ZNF804B: variants seen among roughly 807,000 people sequenced by gnomAD.
The protein encoded by ZNF804B is zinc finger protein 804B, also known as zinc finger 804B.
In ZNF804B, 80 loss-of-function variants were observed where a neutral mutation model predicts 101.4. That is an observed-to-expected ratio of 0.79 (90% CI 0.66 to 0.95). ZNF804B has a LOEUF of 0.95. Ranked by LOEUF, ZNF804B falls within the 40% of genes least tolerant of loss-of-function variation. ZNF804B has a pLI of 0.00. For synonymous variants in ZNF804B, 622 were observed against 558.8 expected (o/e 1.11, Z -1.59); for missense variants, 1,673 against 1,561.9 (o/e 1.07, Z -1.20).
chr7:89,205,837 G>A (rs1788706624), intron 1 of ZNF804B, among the ~76,000 whole-genome samples: 2 of 152,166 alleles, frequency 1.3e-5, no homozygotes, highest in African/African-American at 4.8e-5. Context: ...GTTTCCCAGT[G>A]GGGATTCTAT....
intron 1 of ZNF804B, among the ~76,000 whole-genome samples, chr7:89,196,151 A>G (rs1411096676): frequency 6.6e-6 from 1 of 152,164 alleles, no homozygotes; most frequent in African/African-American, 2.4e-5. Flanking sequence ...CTGACTTCAA[A>G]CTATACTTCA....
chr7:88,858,215 T>A (rs1220165032), intron 1 of ZNF804B, among the ~76,000 whole-genome samples: 6 of 152,188 alleles, frequency 3.9e-5, no homozygotes. Flanking sequence ...CTCCTCAAAT[T>A]AGGCTAACCT....
At chr7:88,851,297 A>T (rs1791447612) in intron 1 of ZNF804B, among the ~76,000 whole-genome samples, 1 of 152,104 alleles carries the variant, frequency 6.6e-6, no homozygotes, top group Admixed American at 6.6e-5. Flanking sequence ...CTCAACAACA[A>T]ACATAAGAAA....
rs527289882 is a variant in ZNF804B, at chr7:88,936,866, T to C, written c.108+176782T>C. Among the ~76,000 whole-genome samples, 29 of 152,178 alleles carry C rather than the reference T, an allele frequency of 1.9e-4. 1 individual carries two copies. In the South Asian group the frequency reaches 4.8e-3, roughly 25 times the overall value. On this transcript the variant is annotated intron_variant, in intron 1 of 3. Transcript: ENST00000333190. The stretch of plus-strand genomic sequence containing the variant: ...TTAATTTCCTTGAGTTCAAAAGTGC[T>C]CAGCATGCCGAAGCACCATACTGTG...
intron 1 of ZNF804B, among the ~76,000 whole-genome samples, chr7:88,860,590 A>G (rs186595085): frequency 1.3e-3 from 192 of 152,208 alleles, no homozygotes; most frequent in Non-Finnish European, 2.4e-3. Flanking sequence ...GGATTATTGT[A>G]TTATGAGAAT....
intron 1 of ZNF804B, among the ~76,000 whole-genome samples, chr7:88,788,082 T>C (rs573315674): frequency 3.3e-5 from 5 of 152,166 alleles, no homozygotes; most frequent in African/African-American, 4.8e-5. Flanking sequence ...GAGGGGTAGG[T>C]TGAAGGAATG....
intron 1 of ZNF804B, among the ~76,000 whole-genome samples, chr7:89,039,343 G>A (rs943426765): frequency 8.6e-5 from 13 of 151,710 alleles, no homozygotes; most frequent in African/African-American, 2.4e-5. Context: ...ATTAACATGG[G>A]TTATCTTTCC....
intron 1 of ZNF804B, among the ~76,000 whole-genome samples, chr7:89,202,513 A>G (rs1004974424): frequency 6.6e-6 from 1 of 152,146 alleles, no homozygotes; most frequent in Non-Finnish European, 1.5e-5. Context: ...TATGAATGTT[A>G]TTTCTAAATA....
At chr7:88,928,294 G>C (rs567920516) in intron 1 of ZNF804B, among the ~76,000 whole-genome samples, 1 of 152,232 alleles carries the variant, frequency 6.6e-6, no homozygotes, top group East Asian at 1.9e-4. Context: ...GACCCTGTGT[G>C]TTTCTCTTGC....
chr7:89,243,762 T>G (rs6972683), intron 2 of ZNF804B, among the ~76,000 whole-genome samples: 18,684 of 151,864 alleles, frequency 0.12, 1,239 homozygotes, highest in Middle Eastern at 0.25. Context: ...GTTTTGTTTT[T>G]TTTTATTAAC....
chr7:89,240,652 A>G (rs923430391), intron 2 of ZNF804B, among the ~76,000 whole-genome samples: 1 of 151,848 alleles, frequency 6.6e-6, no homozygotes, highest in South Asian at 2.1e-4. Context: ...GTGCATCTCA[A>G]TTGATTTTTC....
At chr7:88,879,132 G>A (rs943441633) in intron 1 of ZNF804B, among the ~76,000 whole-genome samples, 3 of 152,172 alleles carry the variant, frequency 2.0e-5, no homozygotes, top group Non-Finnish European at 4.4e-5. Context: ...TTACAAAGAA[G>A]CCTTCCTTGT....
At chr7:88,990,983 T>C (rs909221694) in intron 1 of ZNF804B, among the ~76,000 whole-genome samples, 8 of 152,134 alleles carry the variant, frequency 5.3e-5, no homozygotes, top group Admixed American at 3.3e-4. Context: ...ATATTAAAGA[T>C]CTAGAAAATC....
At chr7:88,936,559 G>T (rs533893673) in intron 1 of ZNF804B, among the ~76,000 whole-genome samples, 3 of 152,174 alleles carry the variant, frequency 2.0e-5, no homozygotes, top group Admixed American at 2.0e-4. Flanking sequence ...AATGGGCCCA[G>T]GAGACAGAAA....
intron 1 of ZNF804B, among the ~76,000 whole-genome samples, chr7:89,057,959 G>A (rs984449069): frequency 1.3e-5 from 2 of 152,020 alleles, no homozygotes; most frequent in East Asian, 1.9e-4. Flanking sequence ...AAGTGTGCAA[G>A]TAAAGAGAAC....
At chr7:89,116,256 G>A (rs1433100274) in intron 1 of ZNF804B, among the ~76,000 whole-genome samples, 1 of 151,974 alleles carries the variant, frequency 6.6e-6, no homozygotes, top group Non-Finnish European at 1.5e-5. Flanking sequence ...TAAAGACCGT[G>A]ATTCTTGAAT....
At chr7:89,235,916 T>A (rs984227813) in intron 2 of ZNF804B, among the ~76,000 whole-genome samples, 7 of 151,898 alleles carry the variant, frequency 4.6e-5, no homozygotes, top group Non-Finnish European at 1.0e-4. Context: ...AACATTAAAA[T>A]AAGATAAAAA....
chr7:89,213,073 A>G (rs1427593668), intron 1 of ZNF804B, among the ~76,000 whole-genome samples: 2 of 152,210 alleles, frequency 1.3e-5, no homozygotes, highest in Admixed American at 1.3e-4. Context: ...TCTGTAAGAC[A>G]GAGGCTGACA....
rs561417686 is a variant in ZNF804B, at chr7:88,986,999, G to A, written c.108+226915G>A. ...ATAACTTGAGTCATTTCTTTCTTTG[G>A]AGCCTGTTATTCAAAATTCTCTATC... is the stretch of plus-strand genomic sequence containing the variant. On this transcript the variant is annotated intron_variant, in intron 1 of 3. Transcript: ENST00000333190. Among the ~76,000 whole-genome samples the A allele has an allele frequency of 1.2e-4, 19 of 152,048 alleles. No individual in the cohort carries two copies. The South Asian group carries it at 3.7e-3, about 30-fold the overall frequency.
Sources: allele counts gnomAD v4.1 joint callset (sites outside exome capture counted in the v4.1 genomes callset), GRCh38; gene constraint gnomAD v4.1.1; transcripts MANE v1.5; gene names NCBI Gene and HGNC (gene_info 2026-07-23, HGNC 2026-07-21).